NKTR: variants seen among roughly 807,000 people sequenced by gnomAD.
NKTR encodes natural killer cell triggering receptor.
A neutral mutation model predicts 156.3 loss-of-function variants in NKTR; 67 were observed. The ratio of observed to expected loss-of-function variants is 0.43; its 90% CI spans 0.35 to 0.53. The LOEUF is 0.53. Among genes scored for constraint, NKTR ranks in the 20% least tolerant of loss-of-function variants. The pLI, the probability that NKTR is intolerant of heterozygous loss-of-function variation, is 0.01. For synonymous variants in NKTR, 640 were observed against 596.6 expected (o/e 1.07, Z -1.06); for missense variants, 1,604 against 1,730.9 (o/e 0.93, Z 1.30).
At chr3:42,614,407 TAACTA>T (rs1241603807) in intron 2 of NKTR, among the ~76,000 whole-genome samples, 2 of 152,018 alleles carry the variant, frequency 1.3e-5, no homozygotes, top group Non-Finnish European at 2.9e-5. Context: ...AAATATTTAC[TAACTA>T]AACTAGTGAA....
chr3:42,610,201 T>C (rs2125767242), intron 2 of NKTR, among the ~76,000 whole-genome samples: 1 of 152,142 alleles, frequency 6.6e-6, no homozygotes, highest in East Asian at 1.9e-4. Flanking sequence ...ACGGGGTTTC[T>C]CCATGTTGGT....
chr3:42,635,253 T>C lies in NKTR; in HGVS notation c.1050T>C (p.Cys350=), dbSNP rs1237930978. The C allele has an allele frequency of 6.2e-7, 1 of 1,613,810 alleles. No homozygotes were observed. The highest frequency in any genetic ancestry group is 1.3e-5 in the African/African-American group (1 of 75,024). Residue 350 remains cysteine (C), a synonymous_variant, in exon 12 of 17, where the codon TGT becomes TGC. Transcript: ENST00000232978. ...RYHTPPRSRS[C]SESDDDDSSE... is the part of the protein sequence containing the mutation. ...ACACACCTCCAAGATCAAGATCCTG[T>C]TCTGAGTCAGATGATGATGACAGCA...
chr3:42,626,410 CA>C (rs898565492), intron 6 of NKTR, among the ~76,000 whole-genome samples: 1 of 150,272 alleles, frequency 6.7e-6, no homozygotes, highest in Non-Finnish European at 1.5e-5. Context: ...GTGTGTTCTC[CA>C]AAAAAAAATC....
At chr3:42,632,862 A>G (rs757151687) in intron 9 of NKTR, 39 bp downstream of exon 9, 4 of 1,468,848 alleles carry the variant, frequency 2.7e-6, no homozygotes, top group Non-Finnish European at 3.6e-6. Context: ...CCTAAAAACA[A>G]ACACTCTGGA....
intron 8 of NKTR, 80 bp downstream of exon 8, chr3:42,631,396 G>C: frequency 6.6e-7 from 1 of 1,518,166 alleles, no homozygotes; most frequent in South Asian, 1.2e-5. Context: ...TTGATTAGTG[G>C]AACTAGTGGT....
chr3:42,629,232 GCTGC>G, intron 6 of NKTR: 9 of 982,466 alleles, frequency 9.2e-6, no homozygotes, highest in Non-Finnish European at 1.1e-5. Context: ...TTTTCTTTTT[GCTGC>G]CTGTTTTTAT....
chr3:42,601,892 G>A (rs569125204), intron 2 of NKTR: 1 of 152,246 alleles, frequency 6.6e-6, no homozygotes, highest in East Asian at 1.9e-4. Context: ...TAAAACAAAG[G>A]CCTCTTCCTT....
At chr3:42,620,249 C>T in intron 5 of NKTR, 2 of 1,258,974 alleles carry the variant, frequency 1.6e-6, no homozygotes, top group Non-Finnish European at 2.0e-6. Flanking sequence ...AGAAAAGAGT[C>T]TAGTTGTGGG....
chr3:42,641,410 G>A (rs555130083), intron 13 of NKTR, among the ~76,000 whole-genome samples: 1 of 152,140 alleles, frequency 6.6e-6, no homozygotes, highest in African/African-American at 2.4e-5. Context: ...GTATTGTTCT[G>A]TTCCTGAATG....
chr3:42,603,859 C>T (rs1167293899), intron 2 of NKTR, among the ~76,000 whole-genome samples: 1 of 151,898 alleles, frequency 6.6e-6, no homozygotes, highest in Non-Finnish European at 1.5e-5. Context: ...CCTCAGCCTC[C>T]CTAGTAGCTG....
intron 16 of NKTR, among the ~76,000 whole-genome samples, chr3:42,644,756 C>T (rs941649549): frequency 1.2e-4 from 18 of 152,096 alleles, no homozygotes; most frequent in African/African-American, 2.7e-4. Flanking sequence ...TCACCATCTC[C>T]CCTTTTGCCA....
At chr3:42,627,510 G>C (rs890204866) in intron 6 of NKTR, 2 of 985,104 alleles carry the variant, frequency 2.0e-6, no homozygotes, top group African/African-American at 3.5e-5. Flanking sequence ...TGTGGAATTA[G>C]TCATTTCTGT....
At position 42,600,975 on chromosome 3, in the gene NKTR, C is replaced by G. The variant is rs1291964875; in HGVS notation, c.-23-9C>G. On this transcript the variant is annotated splice_polypyrimidine_tract_variant and intron_variant, in intron 1 of 16. Transcript: ENST00000232978. ...CTGCCCTGACCGCTTTTCTCCCCCT[C>G]TCTCCCAGCTCTTGCCGCCACCTCG... The G allele has an allele frequency of 2.0e-6, 3 of 1,516,086 alleles. No individual in the cohort carries two copies. Among genetic ancestry groups the G allele is most frequent in the Admixed American group, 2.1e-5 (1 of 48,156 alleles). The allele number at this position is 1,516,086 out of a possible 1,614,324, so 93.9% of individuals were successfully genotyped here.
chr3:42,631,553 C>T (rs925633169), intron 8 of NKTR, among the ~76,000 whole-genome samples: 6 of 152,206 alleles, frequency 3.9e-5, no homozygotes, highest in African/African-American at 1.4e-4. Context: ...GCCGTAGCGT[C>T]GTAACTGTTT....
chr3:42,645,956 A>G lies in NKTR; in HGVS notation c.4370A>G (p.Glu1457Gly). 1 of 1,613,340 alleles carries G rather than the reference A, an allele frequency of 6.2e-7. No homozygotes were observed. The highest frequency in any genetic ancestry group is 1.3e-5 in the African/African-American group (1 of 75,036). The change falls in exon 17 of 17, where the codon GAG (glutamate) becomes GGG (glycine). Residue 1457 changes from glutamate (E) to glycine (G), a missense_variant. By Grantham distance (98) the Glu-to-Gly change is moderately conservative (BLOSUM62 -2). Coordinates refer to ENST00000232978, the MANE Select transcript of NKTR (RefSeq NM_005385.4). Reference sequence around the variant, plus strand: ...TACTCTCATCACCGGAGCCCCAGTGAGAGCAGCAGATACAGTTGAAAACGT... The same window carrying G: ...TACTCTCATCACCGGAGCCCCAGTGGGAGCAGCAGATACAGTTGAAAACGT... ...RSYSHHRSPSESSRYS is the reference protein window; with the variant it reads ...RSYSHHRSPSGSSRYS
intron 2 of NKTR, 44 bp downstream of exon 2, chr3:42,601,108 T>G: frequency 6.7e-7 from 1 of 1,497,406 alleles, no homozygotes; most frequent in Non-Finnish European, 9.0e-7. Context: ...GAGGCCTGCC[T>G]TGGCGAAGGG....
intron 6 of NKTR, 22 bp from the exon 7 acceptor site, chr3:42,630,524 T>C: frequency 1.2e-6 from 2 of 1,613,772 alleles, no homozygotes; most frequent in Non-Finnish European, 1.7e-6. Flanking sequence ...ACATCATCTT[T>C]GTGTTGATGT....
intron 8 of NKTR, 121 bp from the exon 9 acceptor site, chr3:42,632,480 C>T: frequency 1.6e-6 from 1 of 614,880 alleles, no homozygotes; most frequent in Non-Finnish European, 2.8e-6. Flanking sequence ...AAACTGTCTA[C>T]ATTTCATTTT....
At chr3:42,626,203 A>G (rs1377598933) in intron 6 of NKTR, among the ~76,000 whole-genome samples, 1 of 151,590 alleles carries the variant, frequency 6.6e-6, no homozygotes, top group African/African-American at 2.4e-5. Context: ...AAAACTCCAC[A>G]TTATTTCAAA....
Sources: allele counts gnomAD v4.1 joint callset (sites outside exome capture counted in the v4.1 genomes callset), GRCh38; gene constraint gnomAD v4.1.1; transcripts MANE v1.5; gene names NCBI Gene and HGNC (gene_info 2026-07-23, HGNC 2026-07-21).